Variants in CP observed in about 807,000 individuals in gnomAD.
The protein encoded by CP is caeruloplasmin.
A neutral mutation model predicts 122.4 loss-of-function variants in CP; 64 were observed. The ratio of observed to expected loss-of-function variants is 0.52; its 90% CI spans 0.43 to 0.64. The LOEUF (loss-of-function observed/expected upper bound fraction) is 0.64, where lower values mean the gene tolerates loss of function less well. Among genes scored for constraint, CP ranks in the 30% least tolerant of loss-of-function variants. The pLI is 0.00. For missense variants in CP, 1,167 were observed against 1,284.4 expected (o/e 0.91, Z 1.40); for synonymous variants, 440 against 436.4 (o/e 1.01, Z -0.10).
In CP at chr3:149,173,493, T is replaced by C. The variant is rs1431604497; in HGVS notation, c.*221A>G. On this transcript the variant is annotated 3_prime_UTR_variant, in exon 19 of 19. Transcript: ENST00000264613. The stretch of plus-strand genomic sequence containing the variant: ...GACTGTATGAATCAGTTTTATTACC[T>C]AGTGTACAAGTGTCAGTCATGTATC... The C allele has an allele frequency of 2.8e-5, 11 of 394,972 alleles. No homozygotes were observed. The highest frequency in any genetic ancestry group is 4.7e-5 in the Non-Finnish European group (10 of 211,430). 24.5% of individuals were successfully genotyped at this position (394,972 alleles called of 1,614,324 possible). A position where few individuals can be genotyped will look rare whatever the true frequency, so the allele number is the denominator to read the frequency against.
At chr3:149,180,780 C>A (rs1176629738) in intron 14 of CP, among the ~76,000 whole-genome samples, 1 of 152,160 alleles carries the variant, frequency 6.6e-6, no homozygotes, top group East Asian at 1.9e-4. Context: ...TACTTATTCT[C>A]ATAAGCTGCA....
At chr3:149,220,460 T>G (rs1728731266) in intron 1 of CP, among the ~76,000 whole-genome samples, 1 of 142,388 alleles carries the variant, frequency 7.0e-6, no homozygotes, top group African/African-American at 2.6e-5. Context: ...GTCATATTCC[T>G]TAGAAGATAA....
chr3:149,200,519 T>G (rs1727230754), intron 7 of CP, among the ~76,000 whole-genome samples: 1 of 152,162 alleles, frequency 6.6e-6, no homozygotes, highest in African/African-American at 2.4e-5. Context: ...TTTTCTTTTT[T>G]TGAGATGGAG....
At chr3:149,167,061 A>C in intron 4 of CP, 3 of 1,613,610 alleles carry the variant, frequency 1.9e-6, no homozygotes, top group Non-Finnish European at 2.5e-6. Context: ...TTCATTTGAC[A>C]TAGCTTCCAT....
At chr3:149,172,302 T>G (rs1207923223), downstream of CP, 2 of 1,043,032 alleles carry the variant, frequency 1.9e-6, no homozygotes, top group Non-Finnish European at 2.9e-6. Context: ...AGTAGAGGAG[T>G]TTTTTATTTT....
At chr3:149,181,113 A>G (rs1354829244) in intron 14 of CP, among the ~76,000 whole-genome samples, 9 of 152,078 alleles carry the variant, frequency 5.9e-5, no homozygotes, top group African/African-American at 1.9e-4. Context: ...CACATCACCA[A>G]CAGCCCCTTA....
chr3:149,219,942 A>C (rs1474986233), intron 1 of CP, among the ~76,000 whole-genome samples: 1 of 152,112 alleles, frequency 6.6e-6, no homozygotes, highest in Non-Finnish European at 1.5e-5. Flanking sequence ...AGGCCTCCCC[A>C]GTCATGTGGA....
Position 149,207,496 on chromosome 3 carries a change from C to G in CP, c.903G>C (p.Gly301=), listed in dbSNP as rs1260453726. The G allele has an allele frequency of 2.5e-6, 4 of 1,613,964 alleles. No individual in the cohort carries two copies. Among genetic ancestry groups the G allele is most frequent in the Non-Finnish European group, 2.5e-6 (3 of 1,179,878 alleles). The change falls in exon 5 of 19, where the codon GGG becomes GGC. Residue 301 remains glycine (G), a synonymous_variant. Transcript: ENST00000264613. Reference sequence around the variant, plus strand: ...GGTAGTTCTTGTTAGTCAGTGCTTGCCCGTGAAAGAAAGCTGCGTGCACAT... The same window carrying G: ...GGTAGTTCTTGTTAGTCAGTGCTTGGCCGTGAAAGAAAGCTGCGTGCACAT... The part of the protein sequence containing the change: ...EVDVHAAFFH[G]QALTNKNYRI...
intron 9 of CP, among the ~76,000 whole-genome samples, chr3:149,191,201 C>G (rs1361324358): frequency 1.3e-5 from 2 of 151,606 alleles, no homozygotes; most frequent in African/African-American, 4.8e-5. Context: ...ATTATCTCCA[C>G]ATTATCTGAA....
At chr3:149,188,019 A>G in intron 10 of CP, 33 bp downstream of exon 10, 2 of 1,610,116 alleles carry the variant, frequency 1.2e-6, no homozygotes, top group East Asian at 4.5e-5. Context: ...TACTAAAATA[A>G]CTTGGTAGAT....
intron 9 of CP, among the ~76,000 whole-genome samples, chr3:149,190,886 A>G (rs1453777739): frequency 6.6e-6 from 1 of 152,198 alleles, no homozygotes; most frequent in Non-Finnish European, 1.5e-5. Flanking sequence ...ATAAGCTTAA[A>G]TGAGAAATTC....
In CP at chr3:149,188,142, G is replaced by C. The variant is rs200226362; in HGVS notation, c.1774C>G (p.Leu592Val). ...AACATTCTAATATTATCTTCCAGGA[G>C]TAAACTCTCATTCTCATCAAATACT... The part of the protein sequence containing the change: ...PTVFDENESL[L>V]LEDNIRMFTT... The change falls in exon 10 of 19, where the codon CTC (leucine) becomes GTC (valine). Residue 592 changes from leucine (L) to valine (V), a missense_variant. Leu to Val is a conservative substitution (Grantham distance 32). Around this residue, in one of 2 missense-constraint regions of CP, gnomAD observed 525 missense variants for 657.2 expected, o/e 0.80. Transcript: ENST00000264613. 120 of 1,612,646 alleles carry C rather than the reference G, an allele frequency of 7.4e-5. No individual in the cohort carries two copies. Among genetic ancestry groups the C allele is most frequent in the Non-Finnish European group, 9.9e-5 (117 of 1,179,508 alleles).
rs775376178 is a variant in CP, at chr3:149,210,149, A to T, written c.607+18T>A. ...TGTCTTTTGGTCATATAGCATGTGCAATAAGGAGAAGATGTACCTTTTTTA... is the reference window on the plus strand; with the variant it reads ...TGTCTTTTGGTCATATAGCATGTGCTATAAGGAGAAGATGTACCTTTTTTA... On this transcript the variant is annotated intron_variant, in intron 3 of 18. Transcript: ENST00000264613. The T allele has an allele frequency of 1.2e-5, 20 of 1,611,652 alleles. No homozygotes were observed. The Middle Eastern group carries it at 6.7e-4, about 54-fold the overall frequency.
rs1725400648 is a variant in CP, at chr3:149,176,144, A to G, written c.3181+106T>C. On this transcript the variant is annotated intron_variant, in intron 18 of 18. Transcript: ENST00000264613. ...AAGAAATCAGGGCAGCAGATTCACAAATGCTTCATATTGATGCATCATATT... is the reference window on the plus strand; with the variant it reads ...AAGAAATCAGGGCAGCAGATTCACAGATGCTTCATATTGATGCATCATATT... 4 of 1,104,424 alleles carry G rather than the reference A, an allele frequency of 3.6e-6. No homozygotes were observed. The South Asian group carries it at 3.9e-5, about 11-fold the overall frequency. The allele number at this position is 1,104,424 out of a possible 1,614,324, so 68.4% of individuals were successfully genotyped here. A position where few individuals can be genotyped will look rare whatever the true frequency, so the allele number is the denominator to read the frequency against.
intron 10 of CP, 163 bp downstream of exon 10, chr3:149,187,889 C>A (rs1347952936): frequency 1.4e-6 from 1 of 712,728 alleles, no homozygotes; most frequent in East Asian, 2.5e-5. Flanking sequence ...GGATAACTGA[C>A]AGACACATCA....
intron 3 of CP, 32 bp from the exon 4 acceptor site, chr3:149,209,416 A>G: frequency 6.3e-7 from 1 of 1,591,828 alleles, no homozygotes; most frequent in Non-Finnish European, 8.6e-7. Flanking sequence ...TAGCAAGACT[A>G]AACTTTTAGC....
intron 1 of CP, among the ~76,000 whole-genome samples, chr3:149,213,651 TG>T: frequency 6.6e-6 from 1 of 151,776 alleles, no homozygotes; most frequent in Non-Finnish European, 1.5e-5. Context: ...TGTGTGTGTG[TG>T]TGTGTGTGTG....
intron 6 of CP, among the ~76,000 whole-genome samples, chr3:149,202,916 T>C (rs868526076): frequency 5.4e-5 from 8 of 147,086 alleles, no homozygotes; most frequent in African/African-American, 2.0e-4. Context: ...GCCTTTTTTT[T>C]TTTTTTTTCA....
chr3:149,178,605 G>A lies in CP; in HGVS notation c.2688C>T (p.Pro896=), dbSNP rs1425458780. 6.2e-7 allele frequency: 1 copy of A among 1,612,610 alleles called. No homozygotes were observed. Among genetic ancestry groups the A allele is most frequent in the Admixed American group, 1.7e-5 (1 of 59,920 alleles). The change falls in exon 16 of 19, where the codon CCC becomes CCT. Residue 896 remains proline, a synonymous_variant. Coordinates refer to ENST00000264613, the MANE Select transcript of CP (RefSeq NM_000096.4). ...VKDLYSGLIG[P]LIVCRRPYLK... ...AGTAAGGTCTTCGACAAACAATCAG[G>A]GGGCCAATTAATCCACTGTAGAGGT... is the stretch of plus-strand genomic sequence containing the variant.
Sources: gnomAD v4.1 joint callset for allele counts (sites outside exome capture counted in the v4.1 genomes callset) on GRCh38, gnomAD v4.1.1 for gene constraint, gnomAD v4.1.1 regional missense constraint, MANE v1.5 for transcripts, NCBI Gene and HGNC (gene_info 2026-07-23, HGNC 2026-07-21) for gene names.